The following ANGPT1 variants were observed in gnomAD, a reference collection of about 807,000 sequenced individuals.
ANGPT1 encodes the protein angiopoietin 1.
Under a neutral mutation model 62.2 loss-of-function variants are expected in ANGPT1, and 17 were observed. That is an observed-to-expected ratio of 0.27 (90% CI 0.19 to 0.41). The LOEUF is 0.41. Among genes scored for constraint, ANGPT1 ranks in the 10% least tolerant of loss-of-function variants. The pLI is 1.00. For missense variants in ANGPT1, 478 were observed against 594.9 expected, an observed-to-expected ratio of 0.80 and a Z score of 2.04; for synonymous variants, 199 against 198.9, an observed-to-expected ratio of 1.00 and a Z score of 0.00.
intron 1 of ANGPT1, among the ~76,000 whole-genome samples, chr8:107,402,861 T>A (rs1013432734): frequency 6.6e-6 from 1 of 152,216 alleles, no homozygotes; most frequent in Admixed American, 6.5e-5. Context: ...GGAATTACAC[T>A]ACTAAGAATT....
In ANGPT1 at chr8:107,413,835, A is replaced by C. The variant is rs1012822365; in HGVS notation, c.298-66738T>G. 3.9e-5 allele frequency among the ~76,000 whole-genome samples: 6 copies of C among 152,250 alleles called. No individual in the cohort carries two copies. The South Asian group carries it at 1.0e-3, about 26-fold the overall frequency. On this transcript the variant is annotated intron_variant, in intron 1 of 8. Coordinates refer to ENST00000517746, the MANE Select transcript of ANGPT1 (RefSeq NM_001146.5). ...AGAGCGGGAAAGAAAATAATTTGTA[A>C]TATGATGGCAGGGCAGTTAGTCTTG...
intron 1 of ANGPT1, among the ~76,000 whole-genome samples, chr8:107,360,852 T>C (rs1220341805): frequency 1.3e-5 from 2 of 152,170 alleles, no homozygotes; most frequent in African/African-American, 4.8e-5. Context: ...AAAGAATGAT[T>C]GAATCAACAT....
At chr8:107,300,101 CTATATATCTA>C (rs1814549823) in intron 5 of ANGPT1, among the ~76,000 whole-genome samples, 1 of 142,356 alleles carries the variant, frequency 7.0e-6, no homozygotes, top group South Asian at 2.2e-4. Context: ...ATATATATCT[CTATATATCTA>C]TATATAGTAT....
At chr8:107,288,858 A>T (rs573867794) in intron 6 of ANGPT1, among the ~76,000 whole-genome samples, 1 of 152,240 alleles carries the variant, frequency 6.6e-6, no homozygotes, top group East Asian at 1.9e-4. Flanking sequence ...TATGCTCCAA[A>T]ATAGGCTTAC....
chr8:107,324,930 T>C (rs552801904), intron 3 of ANGPT1, among the ~76,000 whole-genome samples: 2 of 152,154 alleles, frequency 1.3e-5, no homozygotes, highest in Non-Finnish European at 2.9e-5. Context: ...AAACCCAATT[T>C]AGATAGAGCT....
At chr8:107,349,873 C>A (rs1815895685) in intron 1 of ANGPT1, among the ~76,000 whole-genome samples, 1 of 152,086 alleles carries the variant, frequency 6.6e-6, no homozygotes, top group African/African-American at 2.4e-5. Flanking sequence ...CACCAGAAAT[C>A]TTTAAGGGCA....
intron 1 of ANGPT1, among the ~76,000 whole-genome samples, chr8:107,459,150 T>G (rs1811999555): frequency 6.6e-6 from 1 of 152,188 alleles, no homozygotes; most frequent in African/African-American, 2.4e-5. Flanking sequence ...AACTTTTGGC[T>G]TCATTTTATA....
At chr8:107,408,273 A>T (rs1432640259) in intron 1 of ANGPT1, among the ~76,000 whole-genome samples, 1 of 152,182 alleles carries the variant, frequency 6.6e-6, no homozygotes, top group African/African-American at 2.4e-5. Flanking sequence ...GTTTGTGTAC[A>T]TGGGATATTT....
chr8:107,390,035 AT>A (rs1816805485), intron 1 of ANGPT1, among the ~76,000 whole-genome samples: 5 of 152,046 alleles, frequency 3.3e-5, no homozygotes, highest in Admixed American at 2.6e-4. Flanking sequence ...TAAATTATGA[AT>A]TTCAAAGCCT....
intron 4 of ANGPT1, among the ~76,000 whole-genome samples, chr8:107,305,133 C>T (rs1167958575): frequency 6.6e-6 from 1 of 151,792 alleles, no homozygotes; most frequent in Admixed American, 6.6e-5. Flanking sequence ...ATTTTAAATC[C>T]CACCTACTGG....
At chr8:107,433,257 CT>C (rs1171995782) in intron 1 of ANGPT1, among the ~76,000 whole-genome samples, 3 of 152,044 alleles carry the variant, frequency 2.0e-5, no homozygotes, top group African/African-American at 7.2e-5. Flanking sequence ...AACTTCAGAC[CT>C]TTGGTGTCAG....
chr8:107,432,858 G>A (rs1811230001), intron 1 of ANGPT1, among the ~76,000 whole-genome samples: 1 of 152,136 alleles, frequency 6.6e-6, no homozygotes, highest in South Asian at 2.1e-4. Flanking sequence ...GAATTGTCCT[G>A]TCTCACTATC....
intron 1 of ANGPT1, among the ~76,000 whole-genome samples, chr8:107,444,860 A>G (rs939887364): frequency 6.6e-6 from 1 of 152,174 alleles, no homozygotes; most frequent in South Asian, 2.1e-4. Flanking sequence ...AGGGCAGGGC[A>G]CTCCAGAGAC....
intron 3 of ANGPT1, among the ~76,000 whole-genome samples, chr8:107,328,802 G>C (rs1031438633): frequency 2.6e-5 from 4 of 151,892 alleles, no homozygotes; most frequent in East Asian, 3.9e-4. Context: ...AAATTTGAAA[G>C]CCCAGGTACT....
chr8:107,348,671 AAAC>A (rs1236896562), intron 1 of ANGPT1, among the ~76,000 whole-genome samples: 2 of 152,260 alleles, frequency 1.3e-5, no homozygotes, highest in African/African-American at 4.8e-5. Flanking sequence ...TAACATATTT[AAAC>A]AACAAGAGGC....
chr8:107,425,692 T>A (rs978306601), intron 1 of ANGPT1, among the ~76,000 whole-genome samples: 2 of 152,186 alleles, frequency 1.3e-5, no homozygotes, highest in African/African-American at 4.8e-5. Context: ...AAGTTTCTTC[T>A]CTTTTGGATC....
At chr8:107,387,322 T>C (rs957726460) in intron 1 of ANGPT1, among the ~76,000 whole-genome samples, 1 of 152,116 alleles carries the variant, frequency 6.6e-6, no homozygotes, top group Non-Finnish European at 1.5e-5. Context: ...TGAAACAAAA[T>C]AGGAGTTGCT....
intron 6 of ANGPT1, among the ~76,000 whole-genome samples, chr8:107,290,329 G>T (rs1024741196): frequency 6.6e-6 from 1 of 152,128 alleles, no homozygotes; most frequent in African/African-American, 2.4e-5. Context: ...GCCCAAGGAA[G>T]AAATGTAGCA....
intron 1 of ANGPT1, among the ~76,000 whole-genome samples, chr8:107,396,517 CT>C (rs10686360): frequency 1.7e-3 from 148 of 84,856 alleles, no homozygotes; most frequent in African/African-American, 2.8e-3. Context: ...TCTTTTCTCT[CT>C]TTTTTTTTTT....
Sources: allele counts gnomAD v4.1 joint callset (sites outside exome capture counted in the v4.1 genomes callset), GRCh38; gene constraint gnomAD v4.1.1; transcripts MANE v1.5; gene names NCBI Gene and HGNC (gene_info 2026-07-23, HGNC 2026-07-21).